SEMA3D: variants seen among roughly 807,000 people sequenced by gnomAD.
SEMA3D encodes semaphorin-3D.
SEMA3D carries 84 observed loss-of-function variants against 100.1 expected under a neutral mutation model. The observed-to-expected ratio is 0.84, with a 90% CI of 0.70 to 1.01. The LOEUF (loss-of-function observed/expected upper bound fraction) is 1.01. Among genes scored for constraint, SEMA3D ranks in the 50% least tolerant of loss-of-function variants. The pLI is 0.00. For synonymous variants in SEMA3D, 312 were observed against 320.7 expected, an observed-to-expected ratio of 0.97 and a Z score of 0.29; for missense variants, 875 against 934.1, an observed-to-expected ratio of 0.94 and a Z score of 0.82.
intron 6 of SEMA3D, 58 bp downstream of exon 6, chr7:85,072,904 A>G: frequency 7.2e-7 from 1 of 1,385,190 alleles, no homozygotes; most frequent in Non-Finnish European, 1.0e-6. Flanking sequence ...ATGTCATAGG[A>G]ATTAAGTAGT....
chr7:85,199,818 T>C, the SEMA3D span, among the ~76,000 whole-genome samples: 2 of 152,208 alleles, frequency 1.3e-5, no homozygotes, highest in East Asian at 3.9e-4. Flanking sequence ...TTTGATATGG[T>C]TTGGCTGTGT....
At chr7:85,133,737 T>G (rs1160357749) in intron 2 of SEMA3D, among the ~76,000 whole-genome samples, 1 of 151,984 alleles carries the variant, frequency 6.6e-6, no homozygotes, top group East Asian at 1.9e-4. Context: ...TTAATTTCTT[T>G]AAGTCCAGTT....
the SEMA3D span, among the ~76,000 whole-genome samples, chr7:85,200,167 G>A: frequency 6.6e-6 from 1 of 152,208 alleles, no homozygotes; most frequent in Non-Finnish European, 1.5e-5. Flanking sequence ...GTAGAGTGGG[G>A]TGTTTCTGAA....
At chr7:85,214,862 C>T in the SEMA3D span, among the ~76,000 whole-genome samples, 3 of 152,114 alleles carry the variant, frequency 2.0e-5, no homozygotes, top group Non-Finnish European at 4.4e-5. Context: ...ATCAAGCATT[C>T]TAAGGACTGA....
rs139276947 is a variant in SEMA3D at position 85,004,428 on chromosome 7, A to G, written c.1908+2374T>C. ...ATAGTATGGCCTTGTTTACTTATTC[A>G]GATCCCAAAAGTTCAACAGAAGCCT... On this transcript the variant is annotated intron_variant, in intron 18 of 18. Coordinates refer to ENST00000284136, the MANE Select transcript of SEMA3D (RefSeq NM_001384900.1). Among the ~76,000 whole-genome samples the G allele has an allele frequency of 4.7e-3, 720 of 152,258 alleles. 8 individuals are homozygous for G. The highest frequency in any genetic ancestry group is 0.016 in the African/African-American group (665 of 41,572).
chr7:85,249,679 A>T, the SEMA3D span, among the ~76,000 whole-genome samples: 148 of 152,332 alleles, frequency 9.7e-4, no homozygotes, highest in African/African-American at 3.5e-3. Context: ...CACGTGTTAT[A>T]TGTGGTGTTA....
intron 1 of SEMA3D, among the ~76,000 whole-genome samples, chr7:85,182,490 A>G (rs191192543): frequency 8.7e-4 from 133 of 152,316 alleles, no homozygotes; most frequent in Admixed American, 7.1e-3. Flanking sequence ...AGCATTGAAC[A>G]ACATGAAGGT....
rs1163860513 is a variant in SEMA3D, at chr7:84,997,989, T to C, written c.*1451A>G. The C allele has an allele frequency of 6.6e-6, 1 of 152,166 alleles. No homozygotes were observed. Among genetic ancestry groups the C allele is most frequent in the East Asian group, 1.9e-4 (1 of 5,194 alleles). The allele number at this position is 152,166 out of a possible 1,614,324, so 9.4% of individuals were successfully genotyped here. A position where few individuals can be genotyped will look rare whatever the true frequency, so the allele number is the denominator to read the frequency against. On this transcript the variant is annotated 3_prime_UTR_variant, in exon 19 of 19. Transcript: ENST00000284136. ...AATATGAAAGATGTTTATGTTAATATTGTGAGTTTGGTTCTTTTTACATGT... is the reference window on the plus strand; with the variant it reads ...AATATGAAAGATGTTTATGTTAATACTGTGAGTTTGGTTCTTTTTACATGT...
chr7:85,126,561 A>C (rs571641521), intron 2 of SEMA3D, among the ~76,000 whole-genome samples: 1 of 152,080 alleles, frequency 6.6e-6, no homozygotes, highest in Non-Finnish European at 1.5e-5. Context: ...TTCAGAAAGC[A>C]CAAGGAAATA....
rs770781559 is a variant in SEMA3D, at chr7:85,176,791, T to TAG, written c.-173+9886_-173+9887insCT. Among the ~76,000 whole-genome samples the TAG allele has an allele frequency of 3.3e-3, 479 of 144,078 alleles. 2 individuals carry two copies. Among genetic ancestry groups the TAG allele is most frequent in the African/African-American group, 1.0e-2 (386 of 38,738 alleles). 94.5% of individuals were successfully genotyped at this position (144,078 alleles called of 152,430 possible). A position where few individuals can be genotyped will look rare whatever the true frequency, so the allele number is the denominator to read the frequency against. On this transcript the variant is annotated intron_variant, in intron 1 of 18. Transcript: ENST00000284136. ...GTGTGTATTTGTATACATATATATA[T>TAG]ATAGAGAGAGAGAGAGAGAGAGAGA...
At chr7:85,044,740 AACC>A (rs1790959686) in intron 9 of SEMA3D, among the ~76,000 whole-genome samples, 1 of 152,154 alleles carries the variant, frequency 6.6e-6, no homozygotes, top group Non-Finnish European at 1.5e-5. Context: ...CACAGTAGTA[AACC>A]ACAGTTTAAA....
the SEMA3D span, among the ~76,000 whole-genome samples, chr7:85,200,148 T>C: frequency 1.3e-5 from 2 of 152,288 alleles, no homozygotes; most frequent in Admixed American, 6.5e-5. Context: ...ACACAGTAAG[T>C]TGCTAAAAGT....
rs59563448 is a variant in SEMA3D at position 85,168,820 on chromosome 7, T to TGAAAGAAAGAAA, written c.-172-15093_-172-15082dup. Among the ~76,000 whole-genome samples, 749 of 121,118 alleles carry TGAAAGAAAGAAA rather than the reference T, an allele frequency of 6.2e-3. 5 individuals are homozygous for TGAAAGAAAGAAA. Among genetic ancestry groups the TGAAAGAAAGAAA allele is most frequent in the Admixed American group, 0.015 (167 of 10,870 alleles). 79.5% of individuals were successfully genotyped at this position (121,118 alleles called of 152,430 possible). ...TGACAAAGAAAGAAAGAAAGAAAGA[T>TGAAAGAAAGAAA]GAAAGAAAGAAAGAAAGAAAGAAAG... On this transcript the variant is annotated intron_variant, in intron 1 of 18. Transcript: ENST00000284136.
In SEMA3D at chr7:85,097,962, A is replaced by C. The variant is rs750676507; in HGVS notation, c.155T>G (p.Leu52Trp). 3.3e-6 allele frequency: 5 copies of C among 1,526,862 alleles called. No homozygotes were observed. 94.6% of individuals were successfully genotyped at this position (1,526,862 alleles called of 1,614,324 possible). A position where few individuals can be genotyped will look rare whatever the true frequency, so the allele number is the denominator to read the frequency against. The change falls in exon 4 of 19, where the codon TTG (leucine) becomes TGG (tryptophan). Residue 52 changes from leucine (L) to tryptophan (W), a missense_variant. By Grantham distance (61) the Leu-to-Trp change is moderately conservative. Coordinates refer to ENST00000284136, the MANE Select transcript of SEMA3D (RefSeq NM_001384900.1). ...IPRLKLTYKD[L>W]LLSNSCIPFL... ...GGGAATACAGCTATTTGAAAGCAGC[A>C]AGTCTATGGAAAGCAAAAAAAGAAA...
chr7:85,051,120 C>T (rs530666707), intron 9 of SEMA3D, among the ~76,000 whole-genome samples: 1 of 151,938 alleles, frequency 6.6e-6, no homozygotes, highest in South Asian at 2.1e-4. Context: ...TTATCTGTCA[C>T]ATCCAAATTC....
chr7:85,140,649 C>A (rs761002532), intron 2 of SEMA3D: 21 of 972,728 alleles, frequency 2.2e-5, no homozygotes, highest in Non-Finnish European at 2.6e-5. Context: ...AGCCTACAAC[C>A]TGCAAGACAC....
intron 15 of SEMA3D, among the ~76,000 whole-genome samples, chr7:85,017,845 G>C (rs1790147211): frequency 6.6e-6 from 1 of 151,636 alleles, no homozygotes. Flanking sequence ...CTGAGAGTTC[G>C]ATATTATGTG....
intron 4 of SEMA3D, among the ~76,000 whole-genome samples, chr7:85,083,846 CAA>C (rs1302315425): frequency 1.9e-5 from 2 of 102,596 alleles, no homozygotes; most frequent in African/African-American, 3.8e-5. Flanking sequence ...GACTCCGTCT[CAA>C]AAAAAAAAAA....
Position 84,995,793 on chromosome 7 carries a change from T to C in SEMA3D, c.*3647A>G, listed in dbSNP as rs1789482977. On this transcript the variant is annotated 3_prime_UTR_variant, in exon 19 of 19. Transcript: ENST00000284136. The stretch of plus-strand genomic sequence containing the variant: ...ATCTATCTCAAACCCTTTCCATAAA[T>C]ACTTTATACTATAAAATATTTAAAT... 6.6e-6 allele frequency: 1 copy of C among 151,988 alleles called. No individual in the cohort carries two copies. Among genetic ancestry groups the C allele is most frequent in the African/African-American group, 2.4e-5 (1 of 41,432 alleles). 9.4% of individuals were successfully genotyped at this position (151,988 alleles called of 1,614,324 possible). A position where few individuals can be genotyped will look rare whatever the true frequency, so the allele number is the denominator to read the frequency against.
Sources: gnomAD v4.1 joint callset for allele counts (sites outside exome capture counted in the v4.1 genomes callset) on GRCh38, gnomAD v4.1.1 for gene constraint, MANE v1.5 for transcripts, NCBI Gene and HGNC (gene_info 2026-07-23, HGNC 2026-07-21) for gene names.